The following PRKCE variants were observed in gnomAD, a reference collection of about 807,000 sequenced individuals.
PRKCE encodes protein kinase C epsilon, also known as protein kinase C epsilon type.
Under a neutral mutation model 85.4 loss-of-function variants are expected in PRKCE, and 16 were observed. The ratio of observed to expected loss-of-function variants is 0.19; its 90% CI spans 0.13 to 0.28. PRKCE has a LOEUF of 0.28. Ranked by LOEUF, PRKCE falls within the 10% of genes least tolerant of loss-of-function variation. The pLI is 1.00. For synonymous variants in PRKCE, 388 were observed against 371.5 expected, an observed-to-expected ratio of 1.04 and a Z score of -0.51; for missense variants, 573 against 975.2, an observed-to-expected ratio of 0.59 and a Z score of 5.49.
chr2:45,750,580 C>A (rs891337875), intron 1 of PRKCE, among the ~76,000 whole-genome samples: 1 of 152,162 alleles, frequency 6.6e-6, no homozygotes, highest in Non-Finnish European at 1.5e-5. Flanking sequence ...CTGAGTCTGT[C>A]AAGGTTGTTG....
intron 13 of PRKCE, among the ~76,000 whole-genome samples, chr2:46,157,873 A>C (rs1677369830): frequency 6.6e-6 from 1 of 152,234 alleles, no homozygotes; most frequent in Admixed American, 6.5e-5. Flanking sequence ...CCATGACTCT[A>C]GCCACTGAGC....
At chr2:45,752,045 C>G (rs1253270534) in intron 1 of PRKCE, among the ~76,000 whole-genome samples, 2 of 150,998 alleles carry the variant, frequency 1.3e-5, no homozygotes, top group African/African-American at 4.9e-5. Flanking sequence ...TCTCGATCTG[C>G]TGACCTCGTG....
At position 45,681,147 on chromosome 2, in the gene PRKCE, G is replaced by T. The variant is rs149735993; in HGVS notation, c.348+28699G>T. Among the ~76,000 whole-genome samples, 16 of 151,862 alleles carry T rather than the reference G, an allele frequency of 1.1e-4. No individual in the cohort carries two copies. In the East Asian group the frequency reaches 3.1e-3, roughly 29 times the overall value. ...CTACTAAAAATACAAAAATTAGCTG[G>T]GTGTGGTAGCATGCACCTGTAATCC... On this transcript the variant is annotated intron_variant, in intron 1 of 14. Coordinates refer to ENST00000306156, the MANE Select transcript of PRKCE (RefSeq NM_005400.3).
intron 10 of PRKCE, among the ~76,000 whole-genome samples, chr2:46,026,187 A>G (rs1707096639): frequency 6.6e-6 from 1 of 152,226 alleles, no homozygotes; most frequent in Non-Finnish European, 1.5e-5. Flanking sequence ...AGTCTGCAGG[A>G]TCATGGGAGT....
chr2:45,767,889 T>C (rs1033329795), intron 1 of PRKCE, among the ~76,000 whole-genome samples: 1 of 152,178 alleles, frequency 6.6e-6, no homozygotes, highest in Non-Finnish European at 1.5e-5. Context: ...CACCAAGGGA[T>C]AGAAAACATT....
intron 2 of PRKCE, among the ~76,000 whole-genome samples, chr2:45,897,917 G>C (rs1465884701): frequency 6.6e-6 from 1 of 152,158 alleles, no homozygotes; most frequent in Non-Finnish European, 1.5e-5. Flanking sequence ...ATAAACTGCT[G>C]GTAGGATACT....
intron 1 of PRKCE, among the ~76,000 whole-genome samples, chr2:45,827,770 G>C (rs1690070309): frequency 6.6e-6 from 1 of 152,088 alleles, no homozygotes; most frequent in South Asian, 2.1e-4. Context: ...AAATCTAAAA[G>C]TCTTAAAAAT....
chr2:45,723,721 C>T (rs1344014948), intron 1 of PRKCE, among the ~76,000 whole-genome samples: 2 of 152,174 alleles, frequency 1.3e-5, no homozygotes, highest in Non-Finnish European at 2.9e-5. Flanking sequence ...TCTCCTGCCT[C>T]AGCGTCCTGA....
chr2:45,713,685 A>G (rs1679852132), intron 1 of PRKCE, among the ~76,000 whole-genome samples: 1 of 152,144 alleles, frequency 6.6e-6, no homozygotes, highest in African/African-American at 2.4e-5. Flanking sequence ...AAGAAGGGGG[A>G]AGGCAGAAAA....
intron 1 of PRKCE, among the ~76,000 whole-genome samples, chr2:45,820,890 C>G (rs183370774): frequency 2.4e-4 from 37 of 152,228 alleles, no homozygotes; most frequent in African/African-American, 8.7e-4. Context: ...CTCCCCACCC[C>G]CTTCCCACCC....
intron 2 of PRKCE, among the ~76,000 whole-genome samples, chr2:45,881,972 TG>T (rs1329163728): frequency 1.3e-5 from 2 of 152,234 alleles, no homozygotes; most frequent in African/African-American, 4.8e-5. Flanking sequence ...TGCCTTCCAT[TG>T]GGTTTATGAG....
At position 46,004,790 on chromosome 2, in the gene PRKCE, C is replaced by T. The variant is rs2104754854; in HGVS notation, c.1063+152C>T. 1 of 656,762 alleles carries T rather than the reference C, an allele frequency of 1.5e-6. No individual in the cohort carries two copies. The allele number at this position is 656,762 out of a possible 1,614,324, so 40.7% of individuals were successfully genotyped here. A position where few individuals can be genotyped will look rare whatever the true frequency, so the allele number is the denominator to read the frequency against. On this transcript the variant is annotated intron_variant, in intron 8 of 14. Transcript: ENST00000306156. This position sits in a 1 kb window ranked among gnomAD's most constrained non-coding sequence, Gnocchi z 4.1. ...ACACACCCGTTGCCTGTTGATTTAACAGTTCTTTCATTCTCCAAGACCTTC... is the reference window on the plus strand; with the variant it reads ...ACACACCCGTTGCCTGTTGATTTAATAGTTCTTTCATTCTCCAAGACCTTC...
At chr2:45,708,655 A>G (rs1381088896) in intron 1 of PRKCE, among the ~76,000 whole-genome samples, 1 of 152,198 alleles carries the variant, frequency 6.6e-6, no homozygotes, top group East Asian at 1.9e-4. Context: ...AGCCTCGGGT[A>G]TGTCTTTATC....
chr2:46,093,299 C>A (rs761532077), intron 11 of PRKCE, among the ~76,000 whole-genome samples: 2 of 151,852 alleles, frequency 1.3e-5, no homozygotes, highest in Admixed American at 1.3e-4. Context: ...ATAACTCACC[C>A]GAGTTTACAC....
At chr2:45,889,218 C>T (rs1393839963) in intron 2 of PRKCE, among the ~76,000 whole-genome samples, 3 of 152,040 alleles carry the variant, frequency 2.0e-5, no homozygotes, top group Admixed American at 6.5e-5. Context: ...GGTGTGAGTG[C>T]AGGAGAGCTG....
At chr2:45,984,738 C>A (rs1703173571) in intron 6 of PRKCE, 58 bp downstream of exon 6, 1 of 1,558,888 alleles carries the variant, frequency 6.4e-7, no homozygotes, top group East Asian at 2.3e-5. Flanking sequence ...TGCTGCCTGC[C>A]CCCATCCCTG....
intron 11 of PRKCE, among the ~76,000 whole-genome samples, chr2:46,122,553 C>T (rs1378843015): frequency 5.9e-5 from 9 of 152,146 alleles, no homozygotes; most frequent in Admixed American, 5.9e-4. Context: ...TTAAAACTGA[C>T]CTTAGTGATG....
intron 1 of PRKCE, among the ~76,000 whole-genome samples, chr2:45,655,300 T>G (rs1402938254): frequency 6.6e-6 from 1 of 152,102 alleles, no homozygotes; most frequent in Non-Finnish European, 1.5e-5. Context: ...TGGCTTTGAA[T>G]GCAGCCCAAC....
In PRKCE at chr2:46,001,832, G is replaced by C. The variant is rs1362094639; in HGVS notation, c.966+286G>C. 6.6e-6 allele frequency among the ~76,000 whole-genome samples: 1 copy of C among 152,154 alleles called. No homozygotes were observed. Among genetic ancestry groups the C allele is most frequent in the Non-Finnish European group, 1.5e-5 (1 of 68,022 alleles). On this transcript the variant is annotated intron_variant, in intron 7 of 14. Coordinates refer to ENST00000306156, the MANE Select transcript of PRKCE (RefSeq NM_005400.3). The surrounding 1 kb of genome is among the most constrained non-coding windows in gnomAD (Gnocchi z 4.4). ...GAATTTGAAATTCCTTCTAGAAAAA[G>C]CTTAACAACTCCATACAAGGAAATG...
Sources: allele counts gnomAD v4.1 joint callset (sites outside exome capture counted in the v4.1 genomes callset), GRCh38; gene constraint gnomAD v4.1.1; non-coding constraint Gnocchi (gnomAD v3.1); transcripts MANE v1.5; gene names NCBI Gene and HGNC (gene_info 2026-07-23, HGNC 2026-07-21).